The following PYGB variants were observed in gnomAD, a reference collection of about 807,000 sequenced individuals.
PYGB encodes the protein glycogen phosphorylase B, also known as glycogen phosphorylase, brain form.
PYGB carries 82 observed loss-of-function variants against 94.3 expected under a neutral mutation model. The observed-to-expected ratio is 0.87, with a 90% confidence interval of 0.73 to 1.04. PYGB has a LOEUF of 1.04. PYGB is among the 50% of genes least tolerant of loss of function. The pLI is 0.00. For missense variants in PYGB, 1,132 were observed against 1,158.2 expected (o/e 0.98, Z 0.33); for synonymous variants, 488 against 479.1 (o/e 1.02, Z -0.24).
At chr20:25,265,042 G>A (rs1339932371) in intron 2 of PYGB, among the ~76,000 whole-genome samples, 1 of 152,194 alleles carries the variant, frequency 6.6e-6, no homozygotes, top group African/African-American at 2.4e-5. Flanking sequence ...CAAGGCTACA[G>A]TAACCAAAAC....
rs549085447 is a variant in PYGB, at chr20:25,288,766, CTT to C, written c.1827+285_1827+286del. Among the ~76,000 whole-genome samples the C allele has an allele frequency of 2.2e-4, 34 of 152,268 alleles. No individual in the cohort carries two copies. In the South Asian group the frequency reaches 5.6e-3, roughly 25 times the overall value. On this transcript the variant is annotated intron_variant, in intron 15 of 19. Coordinates refer to ENST00000216962, the MANE Select transcript of PYGB (RefSeq NM_002862.4). ...CCTCAGAGAGGGCAGTGTCCTTTCT[CTT>C]TGTGCCCAGTGGGCACAGGGCGTTG...
chr20:25,252,516 G>A lies in PYGB; in HGVS notation c.243+4095G>A, dbSNP rs114695222. Among the ~76,000 whole-genome samples, 737 of 152,296 alleles carry A rather than the reference G, an allele frequency of 4.8e-3. 11 individuals are homozygous for A. Among genetic ancestry groups the A allele is most frequent in the African/African-American group, 0.017 (699 of 41,556 alleles). ...ACCCCAGATGTCAGTTGCACATCAG[G>A]ACCTCCCTTCTGACCTCTGACCGAC... On this transcript the variant is annotated intron_variant, in intron 1 of 19. Coordinates refer to ENST00000216962, the MANE Select transcript of PYGB (RefSeq NM_002862.4).
In PYGB at chr20:25,248,509, C is replaced by A. The variant is rs868280851; in HGVS notation, c.243+88C>A. ...GCCAGCGGGGGTCTCTGCGGGGCGG[C>A]CCGTCGGGCGTTACCTGCGCCCCTA... is the stretch of plus-strand genomic sequence containing the variant. On this transcript the variant is annotated intron_variant, in intron 1 of 19. Coordinates refer to ENST00000216962, the MANE Select transcript of PYGB (RefSeq NM_002862.4). The A allele has an allele frequency of 4.1e-5, 52 of 1,259,194 alleles. 1 individual carries two copies. In the South Asian group the frequency reaches 1.4e-3, roughly 34 times the overall value. 78.0% of individuals were successfully genotyped at this position (1,259,194 alleles called of 1,614,324 possible).
chr20:25,254,218 T>C lies in PYGB; in HGVS notation c.244-5019T>C, dbSNP rs1323187388. On this transcript the variant is annotated intron_variant, in intron 1 of 19. Coordinates refer to ENST00000216962, the MANE Select transcript of PYGB (RefSeq NM_002862.4). ...GGACATTTTAATCAACACAGTGCTG[T>C]TGTCTGCAAATCTTTTCAGTGTCAC... 2.0e-5 allele frequency among the ~76,000 whole-genome samples: 3 copies of C among 152,238 alleles called. No individual in the cohort carries two copies. In the East Asian group the frequency reaches 5.8e-4, roughly 29 times the overall value.
In PYGB at chr20:25,297,037, C is replaced by G. The variant is rs200500134; in HGVS notation, c.*515C>G. The G allele has an allele frequency of 6.2e-6, 1 of 162,342 alleles. No homozygotes were observed. Among genetic ancestry groups the G allele is most frequent in the Admixed American group, 5.7e-5 (1 of 17,580 alleles). 10.1% of individuals were successfully genotyped at this position (162,342 alleles called of 1,614,324 possible). A position where few individuals can be genotyped will look rare whatever the true frequency, so the allele number is the denominator to read the frequency against. ...GCCTCCTGGCCATGCCGGGAGGGGT[C>G]GGATCCTCTAGGCATCGCCTTCACA... On this transcript the variant is annotated 3_prime_UTR_variant, in exon 20 of 20. Transcript: ENST00000216962.
chr20:25,294,429 A>G lies in PYGB; in HGVS notation c.2312+137A>G, dbSNP rs952500095. The G allele has an allele frequency of 8.7e-6, 10 of 1,144,590 alleles. No homozygotes were observed. In the African/African-American group the frequency reaches 1.4e-4, roughly 16 times the overall value. The allele number at this position is 1,144,590 out of a possible 1,614,324, so 70.9% of individuals were successfully genotyped here. On this transcript the variant is annotated intron_variant, in intron 18 of 19. Coordinates refer to ENST00000216962, the MANE Select transcript of PYGB (RefSeq NM_002862.4). ...ACGTCTTCTCCACTGTGCCCATGAGACCTTACTGGGCAGAGCCTTAGACCC... is the reference window on the plus strand; with the variant it reads ...ACGTCTTCTCCACTGTGCCCATGAGGCCTTACTGGGCAGAGCCTTAGACCC...
At chr20:25,266,861 G>T (rs1169139324) in intron 2 of PYGB, among the ~76,000 whole-genome samples, 1 of 152,260 alleles carries the variant, frequency 6.6e-6, no homozygotes, top group Non-Finnish European at 1.5e-5. Context: ...GAGAACAAGT[G>T]TTGGTGAGGA....
intron 11 of PYGB, among the ~76,000 whole-genome samples, chr20:25,281,754 C>T (rs867031296): frequency 2.0e-5 from 3 of 152,216 alleles, no homozygotes; most frequent in East Asian, 1.9e-4. Flanking sequence ...CACCTGTTTC[C>T]GCACGGACCG....
At chr20:25,281,146 C>CT (rs779429953) in intron 11 of PYGB, 34 bp downstream of exon 11, 60 of 1,611,088 alleles carry the variant, frequency 3.7e-5, no homozygotes, top group Non-Finnish European at 4.8e-5. Flanking sequence ...GGGGCCAGCT[C>CT]TGTCTGACAC....
intron 18 of PYGB, chr20:25,295,158 A>G: frequency 1.1e-6 from 1 of 948,946 alleles, no homozygotes; most frequent in Non-Finnish European, 1.7e-6. Flanking sequence ...CACATCAGGA[A>G]CTGCAAGTCA....
At chr20:25,277,408 A>T (rs57671803) in intron 7 of PYGB, 82 bp downstream of exon 7, 3 of 1,358,374 alleles carry the variant, frequency 2.2e-6, no homozygotes, top group Non-Finnish European at 3.1e-6. Context: ...CGGGCTCCCC[A>T]GTGGGGCCTG....
Position 25,290,823 on chromosome 20 carries a change from C to T in PYGB, c.1969+201C>T, listed in dbSNP as rs568062979. 2.0e-5 allele frequency among the ~76,000 whole-genome samples: 3 copies of T among 152,304 alleles called. No individual in the cohort carries two copies. The South Asian group carries it at 6.2e-4, about 32-fold the overall frequency. On this transcript the variant is annotated intron_variant, in intron 16 of 19. Coordinates refer to ENST00000216962, the MANE Select transcript of PYGB (RefSeq NM_002862.4). ...GGAGGACTCACAGTGCGTCCCGGGG[C>T]GCCTTGCATGTCACAGGCAGTGTCA...
rs183547430 is a variant in PYGB, at chr20:25,293,292, C to T, written c.2177+679C>T. ...CCCTCCTGCAGCCCACACTCCATTCCAACTCCACCGGGGTTCTGTTACTGT... is the reference window on the plus strand; with the variant it reads ...CCCTCCTGCAGCCCACACTCCATTCTAACTCCACCGGGGTTCTGTTACTGT... On this transcript the variant is annotated intron_variant, in intron 17 of 19. Transcript: ENST00000216962. Among the ~76,000 whole-genome samples the T allele has an allele frequency of 5.3e-5, 8 of 152,080 alleles. No individual in the cohort carries two copies. The South Asian group carries it at 1.2e-3, about 24-fold the overall frequency.
At chr20:25,294,387 A>G in intron 18 of PYGB, 95 bp downstream of exon 18, 1 of 1,430,344 alleles carries the variant, frequency 7.0e-7, no homozygotes, top group Non-Finnish European at 9.6e-7. Context: ...TTGGAGAGCA[A>G]AACCCGTGCT....
chr20:25,280,954 G>C lies in PYGB; in HGVS notation c.1245G>C (p.Val415=), dbSNP rs35073849. ...YAINQRHLDH[V]AALFPGDVDR... ...CCTCTGTGTTTTGGCACCAGCACGT[G>C]GCCGCGCTGTTTCCCGGCGATGTGG... Residue 415 remains valine (V), a synonymous_variant, in exon 11 of 20, where the codon GTG becomes GTC. Coordinates refer to ENST00000216962, the MANE Select transcript of PYGB (RefSeq NM_002862.4). 12 of 1,613,872 alleles carry C rather than the reference G, an allele frequency of 7.4e-6. No homozygotes were observed. Among genetic ancestry groups the C allele is most frequent in the South Asian group, 5.5e-5 (5 of 91,058 alleles).
At position 25,280,428 on chromosome 20, in the gene PYGB, G is replaced by A. The variant is rs779803878; in HGVS notation, c.1239+16G>A. ...GCACCTGGACGTGAGTGTGGGCCCAGCTGGCCGTGTAGGGTGGCGGCTACA... is the reference window on the plus strand; with the variant it reads ...GCACCTGGACGTGAGTGTGGGCCCAACTGGCCGTGTAGGGTGGCGGCTACA... On this transcript the variant is annotated intron_variant, in intron 10 of 19. Coordinates refer to ENST00000216962, the MANE Select transcript of PYGB (RefSeq NM_002862.4). 3.7e-6 allele frequency: 6 copies of A among 1,613,428 alleles called. No homozygotes were observed.
chr20:25,276,767 G>A lies in PYGB; in HGVS notation c.772+10G>A, dbSNP rs199769897. ...TTCAAGCTGCAGGACTGTACGTTCC[G>A]TGGTTCTTGGCACCCTTGTGTCCAT... is the stretch of plus-strand genomic sequence containing the variant. On this transcript the variant is annotated intron_variant, in intron 6 of 19. Coordinates refer to ENST00000216962, the MANE Select transcript of PYGB (RefSeq NM_002862.4). 61 of 1,610,260 alleles carry A rather than the reference G, an allele frequency of 3.8e-5. No individual in the cohort carries two copies. The highest frequency in any genetic ancestry group is 4.8e-5 in the Non-Finnish European group (56 of 1,176,906).
At chr20:25,284,486 T>G (rs926546474) in intron 14 of PYGB, among the ~76,000 whole-genome samples, 1 of 152,164 alleles carries the variant, frequency 6.6e-6, no homozygotes, top group African/African-American at 2.4e-5. Context: ...CAGGCTGGAG[T>G]GCAGTGGTGC....
chr20:25,259,913 G>A (rs2092909882), intron 2 of PYGB, among the ~76,000 whole-genome samples: 1 of 152,200 alleles, frequency 6.6e-6, no homozygotes, highest in Admixed American at 6.5e-5. Context: ...CTTCCCAGCT[G>A]AGTCTCTAGA....
Sources: gnomAD v4.1 joint callset for allele counts (sites outside exome capture counted in the v4.1 genomes callset) on GRCh38, gnomAD v4.1.1 for gene constraint, MANE v1.5 for transcripts, NCBI Gene and HGNC (gene_info 2026-07-23, HGNC 2026-07-21) for gene names.